Variants in GATAD2A observed in about 807,000 individuals in gnomAD.
The protein encoded by GATAD2A is GATA zinc finger domain containing 2A, also known as transcriptional repressor p66-alpha.
In GATAD2A, 12 loss-of-function variants were observed where a neutral mutation model predicts 68.5. The observed-to-expected ratio is 0.18, with a 90% confidence interval of 0.11 to 0.28. The LOEUF (loss-of-function observed/expected upper bound fraction) is 0.28. Among genes scored for constraint, GATAD2A ranks in the 10% least tolerant of loss-of-function variants. The pLI, the probability that GATAD2A is intolerant of heterozygous loss-of-function variation, is 1.00. For missense variants in GATAD2A, 755 were observed against 868.5 expected (o/e 0.87, Z 1.64); for synonymous variants, 410 against 375.3 (o/e 1.09, Z -1.07).
chr19:19,501,930 G>GGACC, intron 9 of GATAD2A, 39 bp from the exon 10 acceptor site: 1 of 1,543,986 alleles, frequency 6.5e-7, no homozygotes, highest in East Asian at 2.2e-5. Flanking sequence ...GCCGGCCAGC[G>GGACC]GACCGCACTG....
At chr19:19,461,204 C>T (rs1282793140) in intron 1 of GATAD2A, among the ~76,000 whole-genome samples, 1 of 152,200 alleles carries the variant, frequency 6.6e-6, no homozygotes, top group Admixed American at 6.5e-5. Context: ...TACTGCGAAG[C>T]CTCACTTTCT....
chr19:19,497,998 A>G (rs1445118071), intron 7 of GATAD2A, among the ~76,000 whole-genome samples: 1 of 152,198 alleles, frequency 6.6e-6, no homozygotes. Context: ...AGGGGAGCAC[A>G]TGCAGAGAGG....
At chr19:19,496,573 G>C (rs1243122195) in intron 7 of GATAD2A, among the ~76,000 whole-genome samples, 4 of 152,258 alleles carry the variant, frequency 2.6e-5, no homozygotes. Flanking sequence ...CCCAGGAGAG[G>C]CCGGTGATGG....
At chr19:19,394,466 G>A (rs1232174492) in intron 1 of GATAD2A, among the ~76,000 whole-genome samples, 1 of 135,564 alleles carries the variant, frequency 7.4e-6, no homozygotes. Flanking sequence ...TTTTTTTTGA[G>A]ATGGAGTCTC....
At chr19:19,453,547 G>A (rs2056606855) in intron 1 of GATAD2A, among the ~76,000 whole-genome samples, 2 of 152,300 alleles carry the variant, frequency 1.3e-5, no homozygotes, top group Non-Finnish European at 2.9e-5. Context: ...CCAGGCTGGA[G>A]TGTAGTGGCA....
chr19:19,395,030 T>C (rs545088022), intron 1 of GATAD2A, among the ~76,000 whole-genome samples: 1 of 152,264 alleles, frequency 6.6e-6, no homozygotes, highest in East Asian at 1.9e-4. Flanking sequence ...GGACAAGTAA[T>C]GCAACTGTGC....
intron 2 of GATAD2A, among the ~76,000 whole-genome samples, chr19:19,472,216 G>A (rs1393319366): frequency 6.6e-6 from 1 of 152,134 alleles, no homozygotes; most frequent in African/African-American, 2.4e-5. Context: ...TTTTGTTTTT[G>A]TGATAAGTAG....
At position 19,506,177 on chromosome 19, in the gene GATAD2A, C is replaced by G; in HGVS notation, c.*703C>G. 2.5e-6 allele frequency: 1 copy of G among 398,818 alleles called. No individual in the cohort carries two copies. Among genetic ancestry groups the G allele is most frequent in the Non-Finnish European group, 4.4e-6 (1 of 225,958 alleles). The allele number at this position is 398,818 out of a possible 1,614,324, so 24.7% of individuals were successfully genotyped here. On this transcript the variant is annotated 3_prime_UTR_variant, in exon 12 of 12. Transcript: ENST00000683918. Reference sequence around the variant, plus strand: ...GCAGGGATGGCCGAGGCAGCCCTCGCTCCAGCTGAACGCCTCCATTGCTGC... The same window carrying G: ...GCAGGGATGGCCGAGGCAGCCCTCGGTCCAGCTGAACGCCTCCATTGCTGC...
chr19:19,466,591 C>G (rs892546545), intron 2 of GATAD2A, among the ~76,000 whole-genome samples: 1 of 152,228 alleles, frequency 6.6e-6, no homozygotes, highest in Non-Finnish European at 1.5e-5. Context: ...GTTTTTGGAA[C>G]CCAAACTGTT....
intron 1 of GATAD2A, among the ~76,000 whole-genome samples, chr19:19,451,905 G>A (rs549312339): frequency 6.6e-6 from 1 of 152,274 alleles, no homozygotes; most frequent in South Asian, 2.1e-4. Context: ...CAGTGCAGTG[G>A]TGCGATCATT....
At chr19:19,460,785 G>C (rs994022744) in intron 1 of GATAD2A, among the ~76,000 whole-genome samples, 1 of 152,058 alleles carries the variant, frequency 6.6e-6, no homozygotes, top group African/African-American at 2.4e-5. Context: ...CATAGGAACC[G>C]CTCCCCTGCC....
chr19:19,485,829 T>A (rs2059391933), intron 2 of GATAD2A, among the ~76,000 whole-genome samples: 1 of 152,224 alleles, frequency 6.6e-6, no homozygotes, highest in South Asian at 2.1e-4. Flanking sequence ...TCCTTCTTCA[T>A]ATCCACAAAA....
intron 11 of GATAD2A, among the ~76,000 whole-genome samples, chr19:19,504,694 C>G (rs1484048789): frequency 2.8e-5 from 4 of 144,942 alleles, no homozygotes; most frequent in Non-Finnish European, 5.9e-5. Context: ...GTTGCCCAGG[C>G]TGGAATGCAG....
chr19:19,423,182 T>G (rs1443220322), intron 1 of GATAD2A, among the ~76,000 whole-genome samples: 1 of 152,102 alleles, frequency 6.6e-6, no homozygotes, highest in Non-Finnish European at 1.5e-5. Flanking sequence ...AATTTGAAAA[T>G]ATTTTGTAGA....
intron 1 of GATAD2A, among the ~76,000 whole-genome samples, chr19:19,433,585 C>CT (rs940689752): frequency 5.9e-5 from 9 of 151,406 alleles, no homozygotes; most frequent in South Asian, 2.1e-4. Context: ...CTTCAGTTTT[C>CT]TTTTTTTTTG....
intron 8 of GATAD2A, among the ~76,000 whole-genome samples, chr19:19,500,216 C>T (rs1222327578): frequency 6.6e-6 from 1 of 152,192 alleles, no homozygotes; most frequent in African/African-American, 2.4e-5. Context: ...CTGGTTCTGG[C>T]GCCGCTCACG....
At chr19:19,466,879 A>G (rs1003154336) in intron 2 of GATAD2A, among the ~76,000 whole-genome samples, 1 of 152,212 alleles carries the variant, frequency 6.6e-6, no homozygotes, top group African/African-American at 2.4e-5. Context: ...AGTCCATGAC[A>G]GCTCAGCAGG....
intron 7 of GATAD2A, 123 bp from the exon 8 acceptor site, chr19:19,498,320 A>T: frequency 2.3e-6 from 2 of 856,158 alleles, no homozygotes; most frequent in African/African-American, 1.7e-5. Context: ...CACTTTTGTT[A>T]AGGACGCCAT....
At chr19:19,476,930 C>T (rs1424297667) in intron 2 of GATAD2A, among the ~76,000 whole-genome samples, 1 of 152,094 alleles carries the variant, frequency 6.6e-6, no homozygotes, top group Non-Finnish European at 1.5e-5. Flanking sequence ...AATTTGTGAG[C>T]CTGAGGGGGC....
Sources: gnomAD v4.1 joint callset for allele counts (sites outside exome capture counted in the v4.1 genomes callset) on GRCh38, gnomAD v4.1.1 for gene constraint, MANE v1.5 for transcripts, NCBI Gene and HGNC (gene_info 2026-07-23, HGNC 2026-07-21) for gene names.